Variants in COL4A2 observed in about 807,000 individuals in gnomAD.
The protein encoded by COL4A2 is collagen alpha-2(IV) chain.
Under a neutral mutation model 200.2 loss-of-function variants are expected in COL4A2, and 99 were observed. That is an observed-to-expected ratio of 0.49 (90% confidence interval 0.42 to 0.58). The LOEUF is 0.58. Ranked by LOEUF, COL4A2 falls within the 20% of genes least tolerant of loss-of-function variation. The pLI is 0.00. For synonymous variants in COL4A2, 897 were observed against 900.6 expected (o/e 1.00, Z 0.07); for missense variants, 1,950 against 2,314.1 (o/e 0.84, Z 3.23).
intron 4 of COL4A2, among the ~76,000 whole-genome samples, chr13:110,403,634 C>T (rs1470298529): frequency 2.0e-5 from 3 of 152,196 alleles, no homozygotes; most frequent in Non-Finnish European, 2.9e-5. Context: ...TATGAGCCCT[C>T]GTCAGAATCA....
At chr13:110,490,667 C>A (rs768494433) in intron 36 of COL4A2, among the ~76,000 whole-genome samples, 34 of 152,280 alleles carry the variant, frequency 2.2e-4, no homozygotes, top group Non-Finnish European at 2.8e-4. Flanking sequence ...AGCCATCCGG[C>A]GCTGGGCTGG....
In COL4A2 at chr13:110,484,381, GCA is replaced by G. The variant is rs553616793; in HGVS notation, c.2903-521_2903-520del. ...TCCGGGGCATCCCCAGCCTGAACTA[GCA>G]CAGTTTCCCGCCCGGCCCGCAGCTC... On this transcript the variant is annotated intron_variant, in intron 32 of 47. Coordinates refer to ENST00000360467, the MANE Select transcript of COL4A2 (RefSeq NM_001846.4). 4.2e-3 allele frequency among the ~76,000 whole-genome samples: 642 copies of G among 152,198 alleles called. 3 individuals carry two copies. The highest frequency in any genetic ancestry group is 0.014 in the African/African-American group (594 of 41,530).
intron 28 of COL4A2, among the ~76,000 whole-genome samples, chr13:110,471,089 C>T (rs1882453142): frequency 6.6e-6 from 1 of 152,218 alleles, no homozygotes; most frequent in South Asian, 2.1e-4. Context: ...TTGCCACTCT[C>T]ATGATTTCAT....
intron 27 of COL4A2, 60 bp from the exon 28 acceptor site, chr13:110,469,157 G>A (rs1256237809): frequency 1.3e-6 from 2 of 1,539,366 alleles, no homozygotes; most frequent in Non-Finnish European, 1.8e-6. Context: ...TGCCAAGCAT[G>A]ACCATGCCCA....
chr13:110,449,500 T>C (rs1881451805), intron 18 of COL4A2, among the ~76,000 whole-genome samples, 179 bp from the exon 19 acceptor site: 1 of 152,208 alleles, frequency 6.6e-6, no homozygotes, highest in Admixed American at 6.5e-5. Flanking sequence ...GTTCCCCTGC[T>C]GGAGAATGAG....
chr13:110,370,660 G>A (rs1417097934), intron 4 of COL4A2, among the ~76,000 whole-genome samples: 1 of 152,148 alleles, frequency 6.6e-6, no homozygotes, highest in Non-Finnish European at 1.5e-5. Flanking sequence ...ATTTTGTTTT[G>A]ATTCCTGTTA....
intron 3 of COL4A2, among the ~76,000 whole-genome samples, chr13:110,324,828 G>T (rs1029597165): frequency 2.0e-5 from 3 of 152,230 alleles, no homozygotes; most frequent in African/African-American, 7.2e-5. Context: ...TCTTTAAAAC[G>T]TGGTGAGGAC....
In COL4A2 at chr13:110,375,235, C is replaced by G. The variant is rs1878186372; in HGVS notation, c.180+17683C>G. 2.0e-5 allele frequency among the ~76,000 whole-genome samples: 3 copies of G among 152,246 alleles called. No individual in the cohort carries two copies. The South Asian group carries it at 6.2e-4, about 31-fold the overall frequency. On this transcript the variant is annotated intron_variant, in intron 4 of 47. Coordinates refer to ENST00000360467, the MANE Select transcript of COL4A2 (RefSeq NM_001846.4). Reference sequence around the variant, plus strand: ...CAGCCCCTGGGTGAGCCATGTTCCCCTTTGCCGTCGAATTCTGCCTCTGAA... The same window carrying G: ...CAGCCCCTGGGTGAGCCATGTTCCCGTTTGCCGTCGAATTCTGCCTCTGAA...
intron 10 of COL4A2, among the ~76,000 whole-genome samples, chr13:110,431,051 A>G (rs943735398): frequency 2.6e-5 from 4 of 152,198 alleles, no homozygotes; most frequent in Admixed American, 6.5e-5. Flanking sequence ...GTTTAACACA[A>G]TGGCCCTAGA....
chr13:110,438,768 C>T, intron 15 of COL4A2, 100 bp downstream of exon 15: 1 of 1,464,694 alleles, frequency 6.8e-7, no homozygotes, highest in Non-Finnish European at 9.5e-7. Context: ...CAAAATTTAG[C>T]AGAAAGTATA....
chr13:110,313,403 T>C (rs1165134212), intron 3 of COL4A2, among the ~76,000 whole-genome samples: 1 of 152,144 alleles, frequency 6.6e-6, no homozygotes, highest in African/African-American at 2.4e-5. Context: ...CCTGTTGATG[T>C]GGCCAGAGAG....
intron 3 of COL4A2, among the ~76,000 whole-genome samples, chr13:110,329,669 G>A (rs895683251): frequency 6.6e-6 from 1 of 152,172 alleles, no homozygotes; most frequent in African/African-American, 2.4e-5. Context: ...GTGAAGAGCT[G>A]GTGCTGGAAC....
At chr13:110,420,536 T>C (rs987310585) in intron 4 of COL4A2, among the ~76,000 whole-genome samples, 5 of 152,280 alleles carry the variant, frequency 3.3e-5, no homozygotes, top group African/African-American at 9.6e-5. Context: ...GCTTTAGAAA[T>C]TTAGGAGCTT....
intron 3 of COL4A2, among the ~76,000 whole-genome samples, chr13:110,308,719 G>C (rs1452918987): frequency 1.3e-5 from 2 of 152,122 alleles, no homozygotes; most frequent in East Asian, 3.9e-4. Flanking sequence ...CTGGGATCCT[G>C]TTCGCCGAGC....
At chr13:110,437,931 A>G in intron 13 of COL4A2, 71 bp from the exon 14 acceptor site, 2 of 1,210,078 alleles carry the variant, frequency 1.7e-6, no homozygotes, top group Non-Finnish European at 2.5e-6. Flanking sequence ...CATGTCATGA[A>G]CCCTGATTGA....
rs1334481036 is a variant in COL4A2 at position 110,307,991 on chromosome 13, G to A, written c.44+44G>A. On this transcript the variant is annotated intron_variant, in intron 2 of 47. Transcript: ENST00000360467. The surrounding 1 kb of genome is among the most constrained non-coding windows in gnomAD (Gnocchi z 5.0). ...GGTCCCCGTGGGTCACGCGCGCATGGACCCTTCGGTGTAACTCTCGGGGAC... is the reference window on the plus strand; with the variant it reads ...GGTCCCCGTGGGTCACGCGCGCATGAACCCTTCGGTGTAACTCTCGGGGAC... 1.2e-6 allele frequency: 2 copies of A among 1,612,000 alleles called. No individual in the cohort carries two copies. The highest frequency in any genetic ancestry group is 1.7e-6 in the Non-Finnish European group (2 of 1,179,066).
chr13:110,360,898 CTG>C (rs1177216648), intron 4 of COL4A2, among the ~76,000 whole-genome samples: 1 of 151,184 alleles, frequency 6.6e-6, no homozygotes, highest in Admixed American at 6.5e-5. Context: ...ATGCTTGACA[CTG>C]TCATTTCACC....
intron 24 of COL4A2, among the ~76,000 whole-genome samples, chr13:110,465,001 A>G (rs1882177175): frequency 6.6e-6 from 1 of 152,186 alleles, no homozygotes. Context: ...ACAACGTAGC[A>G]TCTCTTAAAA....
At chr13:110,425,024 T>G (rs1594206799) in intron 6 of COL4A2, 27 bp downstream of exon 6, 14 of 1,610,228 alleles carry the variant, frequency 8.7e-6, no homozygotes, top group African/African-American at 4.1e-5. Context: ...ACTGGAATTT[T>G]AAAACATTGC....
Sources: allele counts gnomAD v4.1 joint callset (sites outside exome capture counted in the v4.1 genomes callset), GRCh38; gene constraint gnomAD v4.1.1; non-coding constraint Gnocchi (gnomAD v3.1); transcripts MANE v1.5; gene names NCBI Gene and HGNC (gene_info 2026-07-23, HGNC 2026-07-21).